The following PTPRD variants were observed in gnomAD, a reference collection of about 807,000 sequenced individuals.
PTPRD encodes the protein protein tyrosine phosphatase receptor type D.
PTPRD carries 34 observed loss-of-function variants against 214.5 expected under a neutral mutation model. The ratio of observed to expected loss-of-function variants is 0.16; its 90% confidence interval spans 0.12 to 0.21. PTPRD has a LOEUF of 0.21. PTPRD is among the 10% of genes least tolerant of loss of function. The pLI is 1.00. For missense variants in PTPRD, 2,545 were observed against 2,398.7 expected (o/e 1.06, Z -1.27); for synonymous variants, 1,128 against 845.7 (o/e 1.33, Z -5.79).
intron 2 of PTPRD, among the ~76,000 whole-genome samples, chr9:10,493,086 C>A (rs141729974): frequency 6.6e-6 from 1 of 151,764 alleles, no homozygotes; most frequent in African/African-American, 2.4e-5. Flanking sequence ...CCCCTGCTGA[C>A]GGAAATAAGA....
At chr9:8,969,772 C>T (rs1252812646) in intron 11 of PTPRD, among the ~76,000 whole-genome samples, 2 of 151,810 alleles carry the variant, frequency 1.3e-5, no homozygotes, top group Non-Finnish European at 2.9e-5. Context: ...GATCTCATAC[C>T]TTTGCCCCTA....
At chr9:9,042,200 C>G (rs1401533889) in intron 10 of PTPRD, among the ~76,000 whole-genome samples, 1 of 152,160 alleles carries the variant, frequency 6.6e-6, no homozygotes, top group Admixed American at 6.5e-5. Flanking sequence ...GCAACCAGAG[C>G]TTTAGGTAAC....
intron 3 of PTPRD, among the ~76,000 whole-genome samples, chr9:10,213,995 C>T (rs1447521900): frequency 6.6e-6 from 1 of 152,084 alleles, no homozygotes; most frequent in Non-Finnish European, 1.5e-5. Context: ...ATCCCTTTAA[C>T]CCCACAATTA....
chr9:10,527,401 C>T lies in PTPRD; in HGVS notation c.-600+84997G>A, dbSNP rs532045944. On this transcript the variant is annotated intron_variant, in intron 2 of 45. Transcript: ENST00000381196. ...GGTCTGTTTCAAAACACATGAACTA[C>T]TGAATACAGATTATGTATTCAATGA... Among the ~76,000 whole-genome samples, 9 of 152,144 alleles carry T rather than the reference C, an allele frequency of 5.9e-5. No individual in the cohort carries two copies. In the East Asian group the frequency reaches 1.7e-3, roughly 29 times the overall value.
At chr9:9,460,142 T>C (rs1028865559) in intron 8 of PTPRD, among the ~76,000 whole-genome samples, 3 of 152,012 alleles carry the variant, frequency 2.0e-5, no homozygotes, top group Non-Finnish European at 2.9e-5. Flanking sequence ...TGGCTAGCTA[T>C]ATGAAGAAAA....
intron 8 of PTPRD, among the ~76,000 whole-genome samples, chr9:9,533,795 G>A (rs960591172): frequency 6.6e-6 from 1 of 151,982 alleles, no homozygotes; most frequent in Admixed American, 6.6e-5. Context: ...ATACGTGCAT[G>A]TTTTTCTGTG....
chr9:8,744,588 G>A (rs753947595), intron 11 of PTPRD, among the ~76,000 whole-genome samples: 1 of 152,194 alleles, frequency 6.6e-6, no homozygotes, highest in Non-Finnish European at 1.5e-5. Context: ...ATAAGGAGGA[G>A]CTAAGCTATG....
chr9:8,877,124 G>A lies in PTPRD; in HGVS notation c.-104+141573C>T, dbSNP rs149659555. On this transcript the variant is annotated intron_variant, in intron 11 of 45. Coordinates refer to ENST00000381196, the MANE Select transcript of PTPRD (RefSeq NM_002839.4). The stretch of plus-strand genomic sequence containing the variant: ...GTATTTTTAGTAGAGATGGGGTTTC[G>A]CTATGTTGGCCAGGATGGTCTCCAT... Among the ~76,000 whole-genome samples the A allele has an allele frequency of 5.1e-4, 78 of 151,932 alleles. 2 individuals carry two copies. Among genetic ancestry groups the A allele is most frequent in the East Asian group, 5.1e-3 (26 of 5,136 alleles).
intron 5 of PTPRD, among the ~76,000 whole-genome samples, chr9:9,895,597 GA>G (rs937087635): frequency 9.9e-5 from 15 of 152,064 alleles, no homozygotes; most frequent in African/African-American, 3.6e-4. Context: ...GGTTACAGGA[GA>G]GGGAGGGTTT....
chr9:8,318,475 T>C (rs898282102), intron 45 of PTPRD, among the ~76,000 whole-genome samples: 21 of 152,102 alleles, frequency 1.4e-4, no homozygotes, highest in Non-Finnish European at 2.5e-4. Flanking sequence ...GAGCTTGCAG[T>C]GAGAATCACT....
intron 2 of PTPRD, among the ~76,000 whole-genome samples, chr9:10,369,359 T>C (rs1156343067): frequency 6.6e-6 from 1 of 152,068 alleles, no homozygotes; most frequent in Non-Finnish European, 1.5e-5. Context: ...TCAATTCTCA[T>C]AGCCAGGCAT....
chr9:10,169,972 G>A (rs900104671), intron 3 of PTPRD, among the ~76,000 whole-genome samples: 2 of 152,152 alleles, frequency 1.3e-5, no homozygotes, highest in African/African-American at 4.8e-5. Context: ...ACACTCAAAT[G>A]ATTAAGGAAA....
chr9:9,389,235 G>A (rs746104286), intron 9 of PTPRD, among the ~76,000 whole-genome samples: 2 of 152,156 alleles, frequency 1.3e-5, no homozygotes, highest in East Asian at 1.9e-4. Flanking sequence ...ACGCAGCTGG[G>A]CGCAGTGGCT....
chr9:8,591,659 C>A (rs760478041), intron 14 of PTPRD, among the ~76,000 whole-genome samples: 2 of 152,120 alleles, frequency 1.3e-5, no homozygotes, highest in African/African-American at 4.8e-5. Context: ...CAGAAGGACA[C>A]GTCTAGTTGG....
chr9:8,426,596 G>A (rs930754377), intron 35 of PTPRD, among the ~76,000 whole-genome samples: 1 of 152,050 alleles, frequency 6.6e-6, no homozygotes, highest in Admixed American at 6.6e-5. Flanking sequence ...GATGGTCAAG[G>A]GCCAATTAGT....
At chr9:10,448,836 C>T (rs761792899) in intron 2 of PTPRD, among the ~76,000 whole-genome samples, 1 of 151,914 alleles carries the variant, frequency 6.6e-6, no homozygotes, top group Non-Finnish European at 1.5e-5. Flanking sequence ...GCATTCTCTC[C>T]AAATAGAGAA....
chr9:8,823,197 T>C (rs2097106380), intron 11 of PTPRD, among the ~76,000 whole-genome samples: 1 of 152,134 alleles, frequency 6.6e-6, no homozygotes, highest in Non-Finnish European at 1.5e-5. Flanking sequence ...CTCAGGCTCC[T>C]TAGAAGTTTC....
At chr9:9,151,988 C>T (rs148657442) in intron 10 of PTPRD, among the ~76,000 whole-genome samples, 228 of 152,276 alleles carry the variant, frequency 1.5e-3, no homozygotes, top group African/African-American at 5.3e-3. Flanking sequence ...GAGTTTGTTG[C>T]TTATAAATAG....
chr9:9,600,577 T>C (rs1235343462), intron 7 of PTPRD, among the ~76,000 whole-genome samples: 1 of 152,044 alleles, frequency 6.6e-6, no homozygotes, highest in Non-Finnish European at 1.5e-5. Flanking sequence ...TAAACATAGT[T>C]TGGGTATCTG....
Sources: gnomAD v4.1 joint callset for allele counts (sites outside exome capture counted in the v4.1 genomes callset) on GRCh38, gnomAD v4.1.1 for gene constraint, MANE v1.5 for transcripts, NCBI Gene and HGNC (gene_info 2026-07-23, HGNC 2026-07-21) for gene names.